Variants in AGPAT4 observed in about 807,000 individuals in gnomAD.
AGPAT4 encodes the protein 1-acylglycerol-3-phosphate O-acyltransferase 4, also known as 1-acyl-sn-glycerol-3-phosphate acyltransferase delta.
Under a neutral mutation model 48.0 loss-of-function variants are expected in AGPAT4, and 15 were observed. That is an observed-to-expected ratio of 0.31 (90% CI 0.21 to 0.48). The LOEUF (loss-of-function observed/expected upper bound fraction) is 0.48. AGPAT4 is among the 20% of genes least tolerant of loss of function. The pLI is 0.99. For missense variants in AGPAT4, 314 were observed against 482.5 expected (o/e 0.65, Z 3.27); for synonymous variants, 178 against 198.7 (o/e 0.90, Z 0.88).
chr6:161,199,556 G>A (rs1781164434), intron 2 of AGPAT4, among the ~76,000 whole-genome samples: 1 of 152,180 alleles, frequency 6.6e-6, no homozygotes, highest in South Asian at 2.1e-4. Flanking sequence ...CCCTGGGCAT[G>A]TGATACGGTT....
intron 7 of AGPAT4, among the ~76,000 whole-genome samples, chr6:161,145,606 T>C (rs1779395935): frequency 6.6e-6 from 1 of 151,638 alleles, no homozygotes; most frequent in African/African-American, 2.4e-5. Context: ...TTAAGAGTCT[T>C]GTGGACTAAA....
chr6:161,134,587 G>GAC lies in AGPAT4; in HGVS notation c.*1952_*1953insGT, dbSNP rs1779005645. 3 of 152,146 alleles carry GAC rather than the reference G, an allele frequency of 2.0e-5. No individual in the cohort carries two copies. The highest frequency in any genetic ancestry group is 4.8e-5 in the African/African-American group (2 of 41,420). The allele number at this position is 152,146 out of a possible 1,614,324, so 9.4% of individuals were successfully genotyped here. A position where few individuals can be genotyped will look rare whatever the true frequency, so the allele number is the denominator to read the frequency against. ...CCCCATTTTGCAGATGGGGAAATGA[G>GAC]TCAGCAAGGAAAAGTGTCTCACCCA... On this transcript the variant is annotated 3_prime_UTR_variant, in exon 9 of 9. Coordinates refer to ENST00000320285, the MANE Select transcript of AGPAT4 (RefSeq NM_020133.3).
rs1781052254 is a variant in AGPAT4 at position 161,195,841 on chromosome 6, G to A, written c.179-29424C>T. On this transcript the variant is annotated intron_variant, in intron 2 of 8. Transcript: ENST00000320285. The surrounding 1 kb of genome is among the most constrained non-coding windows in gnomAD (Gnocchi z 5.0). Reference sequence around the variant, plus strand: ...CTCTCTGGGGCAGGTGTCAGGGCCAGCAGGCAGGCTGATTGTCTAGCGTTG... The same window carrying A: ...CTCTCTGGGGCAGGTGTCAGGGCCAACAGGCAGGCTGATTGTCTAGCGTTG... Among the ~76,000 whole-genome samples the A allele has an allele frequency of 6.6e-6, 1 of 152,222 alleles. No homozygotes were observed. The highest frequency in any genetic ancestry group is 2.1e-4 in the South Asian group (1 of 4,834).
In AGPAT4 at chr6:161,234,702, T is replaced by C. The variant is rs1782223150; in HGVS notation, c.-89-2400A>G. Among the ~76,000 whole-genome samples the C allele has an allele frequency of 1.3e-5, 2 of 152,004 alleles. No homozygotes were observed. Among genetic ancestry groups the C allele is most frequent in the South Asian group, 4.2e-4 (2 of 4,810 alleles). On this transcript the variant is annotated intron_variant, in intron 1 of 8. Transcript: ENST00000320285. The surrounding 1 kb of genome is among the most constrained non-coding windows in gnomAD (Gnocchi z 4.4). The stretch of plus-strand genomic sequence containing the variant: ...GACAATCTGGCCAGGCCAAGCTCGG[T>C]TTTTCACTAGGTTTCTGGGGTCTAG...
intron 3 of AGPAT4, among the ~76,000 whole-genome samples, chr6:161,163,425 A>G (rs1213777211): frequency 6.6e-6 from 1 of 152,158 alleles, no homozygotes; most frequent in African/African-American, 2.4e-5. Flanking sequence ...GTCATTAAAG[A>G]CAAAAGATGT....
chr6:161,170,473 G>GCGCA (rs1194908606), intron 2 of AGPAT4, among the ~76,000 whole-genome samples: 17 of 32,652 alleles, frequency 5.2e-4, no homozygotes, highest in Admixed American at 1.6e-3. Context: ...GTGCGCGCGC[G>GCGCA]CACACACACA....
rs1293571210 is a variant in AGPAT4 at position 161,222,076 on chromosome 6, T to C, written c.178+9960A>G. On this transcript the variant is annotated intron_variant, in intron 2 of 8. Transcript: ENST00000320285. This position sits in a 1 kb window ranked among gnomAD's most constrained non-coding sequence, Gnocchi z 5.9. ...TTTGGGATGAGGGTTGACTATGCTCTGCTCAGGTCCTGTAAGGCACAGCCT... is the reference window on the plus strand; with the variant it reads ...TTTGGGATGAGGGTTGACTATGCTCCGCTCAGGTCCTGTAAGGCACAGCCT... Among the ~76,000 whole-genome samples the C allele has an allele frequency of 6.6e-6, 1 of 152,250 alleles. No homozygotes were observed. The highest frequency in any genetic ancestry group is 1.9e-4 in the East Asian group (1 of 5,202).
rs562914807 is a variant in AGPAT4 at position 161,215,620 on chromosome 6, C to T, written c.178+16416G>A. Among the ~76,000 whole-genome samples, 2 of 152,036 alleles carry T rather than the reference C, an allele frequency of 1.3e-5. No homozygotes were observed. The highest frequency in any genetic ancestry group is 3.9e-4 in the East Asian group (2 of 5,168). ...CATTCTAGTCTTTATATTCTGAAGC[C>T]TAGCACATGCTTGAAACACTGATAT... On this transcript the variant is annotated intron_variant, in intron 2 of 8. Transcript: ENST00000320285. The surrounding 1 kb of genome is among the most constrained non-coding windows in gnomAD (Gnocchi z 4.5).
In AGPAT4 at chr6:161,131,093, T is replaced by G. The variant is rs1387381505; in HGVS notation, c.*5447A>C. ...CCTTAAAATTCAGCAGAACCAGAGG[T>G]GCCAGAAATGTCAAAAAATATCTAG... On this transcript the variant is annotated 3_prime_UTR_variant, in exon 9 of 9. Coordinates refer to ENST00000320285, the MANE Select transcript of AGPAT4 (RefSeq NM_020133.3). 6.9e-6 allele frequency: 2 copies of G among 291,790 alleles called. No homozygotes were observed. Among genetic ancestry groups the G allele is most frequent in the Non-Finnish European group, 1.4e-5 (2 of 142,412 alleles). 18.1% of individuals were successfully genotyped at this position (291,790 alleles called of 1,614,324 possible). A position where few individuals can be genotyped will look rare whatever the true frequency, so the allele number is the denominator to read the frequency against.
At chr6:161,151,033 C>T (rs112144250) in intron 5 of AGPAT4, among the ~76,000 whole-genome samples, 2,013 of 152,268 alleles carry the variant, frequency 0.013, 51 homozygotes, top group African/African-American at 0.046. Flanking sequence ...AGTGACTTGT[C>T]CAACTGTCTC....
intron 1 of AGPAT4, among the ~76,000 whole-genome samples, chr6:161,257,251 G>T (rs1349894146): frequency 1.3e-5 from 2 of 152,220 alleles, no homozygotes; most frequent in Admixed American, 6.5e-5. Context: ...CTAACAAGAA[G>T]GAACCAGTCC....
At position 161,130,949 on chromosome 6, in the gene AGPAT4, C is replaced by G. The variant is rs1778882574; in HGVS notation, c.*5591G>C. 1 of 517,944 alleles carries G rather than the reference C, an allele frequency of 1.9e-6. No homozygotes were observed. The highest frequency in any genetic ancestry group is 5.5e-5 in the East Asian group (1 of 18,332). 32.1% of individuals were successfully genotyped at this position (517,944 alleles called of 1,614,324 possible). A position where few individuals can be genotyped will look rare whatever the true frequency, so the allele number is the denominator to read the frequency against. On this transcript the variant is annotated 3_prime_UTR_variant, in exon 9 of 9. Coordinates refer to ENST00000320285, the MANE Select transcript of AGPAT4 (RefSeq NM_020133.3). ...ATGTCCTAGAATGTTTGGCAAAGAT[C>G]TGGCTAAAACTAGTACTATGGAATA...
chr6:161,193,422 A>G (rs1392612243), intron 2 of AGPAT4, among the ~76,000 whole-genome samples: 1 of 152,238 alleles, frequency 6.6e-6, no homozygotes, highest in Non-Finnish European at 1.5e-5. Context: ...GACTATCTGA[A>G]GCTAACATCA....
chr6:161,157,149 G>C (rs1306213924), intron 3 of AGPAT4, among the ~76,000 whole-genome samples: 2 of 152,172 alleles, frequency 1.3e-5, no homozygotes, highest in African/African-American at 2.4e-5. Context: ...TCTCAGCACT[G>C]GGCAGTCATT....
At position 161,264,377 on chromosome 6, in the gene AGPAT4, T is replaced by C. The variant is rs3798944; in HGVS notation, c.-90+9561A>G. Among the ~76,000 whole-genome samples the C allele has an allele frequency of 0.49, 74,828 of 151,926 alleles. 20,091 individuals are homozygous for C. Among genetic ancestry groups the C allele is most frequent in the African/African-American group, 0.71 (29,554 of 41,430 alleles). ...GTGGTCTAGGAAAACTCCAGCCTCC[T>C]GCCCTGTCCCACCTCACCCACTGGC... is the stretch of plus-strand genomic sequence containing the variant. On this transcript the variant is annotated intron_variant, in intron 1 of 8. Coordinates refer to ENST00000320285, the MANE Select transcript of AGPAT4 (RefSeq NM_020133.3). The surrounding 1 kb of genome is among the most constrained non-coding windows in gnomAD (Gnocchi z 6.8).
Position 161,149,383 on chromosome 6 carries a change from C to G in AGPAT4, c.665-94G>C. 1.9e-6 allele frequency: 2 copies of G among 1,064,528 alleles called. No individual in the cohort carries two copies. Among genetic ancestry groups the G allele is most frequent in the Non-Finnish European group, 2.6e-6 (2 of 762,400 alleles). The allele number at this position is 1,064,528 out of a possible 1,614,324, so 65.9% of individuals were successfully genotyped here. On this transcript the variant is annotated intron_variant, in intron 5 of 8. Transcript: ENST00000320285. The surrounding 1 kb of genome is among the most constrained non-coding windows in gnomAD (Gnocchi z 6.5). ...ACATTGGAAGACAATAATCAAATGG[C>G]TAACTGCTTATCTAGAAATGGTGTG...
Position 161,165,786 on chromosome 6 carries a change from C to A in AGPAT4, c.348+462G>T. 1 of 594,798 alleles carries A rather than the reference C, an allele frequency of 1.7e-6. No homozygotes were observed. Among genetic ancestry groups the A allele is most frequent in the Admixed American group, 2.3e-5 (1 of 44,358 alleles). 36.8% of individuals were successfully genotyped at this position (594,798 alleles called of 1,614,324 possible). On this transcript the variant is annotated intron_variant, in intron 3 of 8. Transcript: ENST00000320285. The surrounding 1 kb of genome is among the most constrained non-coding windows in gnomAD (Gnocchi z 5.5). ...TGCAGTTCACTCTCTCACTTATGGA[C>A]TCAAAGTTCTTAAGCCTTCAACGAT... is the stretch of plus-strand genomic sequence containing the variant.
rs182167882 is a variant in AGPAT4, at chr6:161,221,157, C to T, written c.178+10879G>A. Among the ~76,000 whole-genome samples, 5 of 152,242 alleles carry T rather than the reference C, an allele frequency of 3.3e-5. No individual in the cohort carries two copies. In the East Asian group the frequency reaches 7.7e-4, roughly 24 times the overall value. ...AGCAAGGAACACATGGTGAAGGAAA[C>T]GTGTGAGGCTTTCCCTCCGGTCAGC... On this transcript the variant is annotated intron_variant, in intron 2 of 8. Transcript: ENST00000320285. This position sits in a 1 kb window ranked among gnomAD's most constrained non-coding sequence, Gnocchi z 4.5.
In AGPAT4 at chr6:161,196,807, T is replaced by TC. The variant is rs1781079010; in HGVS notation, c.179-30391dup. 1.9e-5 allele frequency among the ~76,000 whole-genome samples: 2 copies of TC among 102,794 alleles called. No homozygotes were observed. The highest frequency in any genetic ancestry group is 4.0e-5 in the African/African-American group (1 of 24,974). 67.4% of individuals were successfully genotyped at this position (102,794 alleles called of 152,430 possible). A position where few individuals can be genotyped will look rare whatever the true frequency, so the allele number is the denominator to read the frequency against. The stretch of plus-strand genomic sequence containing the variant: ...CTAGGCAACAGAGAAAGACTCTATC[T>TC]CCCCCCGCCAAAAAAAAAAAAAAAA... On this transcript the variant is annotated intron_variant, in intron 2 of 8. Coordinates refer to ENST00000320285, the MANE Select transcript of AGPAT4 (RefSeq NM_020133.3). This position sits in a 1 kb window ranked among gnomAD's most constrained non-coding sequence, Gnocchi z 4.3.
Sources: allele counts gnomAD v4.1 joint callset (sites outside exome capture counted in the v4.1 genomes callset), GRCh38; gene constraint gnomAD v4.1.1; non-coding constraint Gnocchi (gnomAD v3.1); transcripts MANE v1.5; gene names NCBI Gene and HGNC (gene_info 2026-07-23, HGNC 2026-07-21).